Variants in ANO10 observed in about 807,000 individuals in gnomAD.
ANO10 encodes the protein anoctamin-10.
A neutral mutation model predicts 74.7 loss-of-function variants in ANO10; 77 were observed. That is an observed-to-expected ratio of 1.03 (90% confidence interval 0.86 to 1.25). ANO10 has a LOEUF of 1.25. Ranked by LOEUF, ANO10 falls within the 50% of genes most tolerant of loss-of-function variation. The pLI, the probability that ANO10 is intolerant of heterozygous loss-of-function variation, is 0.00. For missense variants in ANO10, 721 were observed against 778.1 expected (o/e 0.93, Z 0.87); for synonymous variants, 279 against 284.9 (o/e 0.98, Z 0.21).
intron 11 of ANO10, among the ~76,000 whole-genome samples, chr3:43,442,300 A>C (rs2093171855): frequency 6.6e-6 from 1 of 152,108 alleles, no homozygotes; most frequent in Non-Finnish European, 1.5e-5. Flanking sequence ...ACACACACAC[A>C]CCCATTAGAA....
At chr3:43,656,603 C>A (rs561257996) in intron 1 of ANO10, among the ~76,000 whole-genome samples, 1 of 152,240 alleles carries the variant, frequency 6.6e-6, no homozygotes, top group Non-Finnish European at 1.5e-5. Flanking sequence ...GGTGAGAAAT[C>A]GAGCACAGAG....
chr3:43,407,656 G>T (rs534321821), intron 12 of ANO10, among the ~76,000 whole-genome samples: 4 of 152,326 alleles, frequency 2.6e-5, no homozygotes, highest in African/African-American at 9.6e-5. Flanking sequence ...AAACGCTCTG[G>T]TTGTGGCCCA....
chr3:43,688,218 C>T (rs1575594175), intron 1 of ANO10, among the ~76,000 whole-genome samples: 1 of 152,120 alleles, frequency 6.6e-6, no homozygotes, highest in South Asian at 2.1e-4. Context: ...TGAGAGCAGA[C>T]TCCAGGTCCA....
At chr3:43,503,935 T>C (rs576975268) in intron 11 of ANO10, among the ~76,000 whole-genome samples, 1 of 152,256 alleles carries the variant, frequency 6.6e-6, no homozygotes, top group Non-Finnish European at 1.5e-5. Flanking sequence ...GCACTGAAGC[T>C]TTCAGTCTTG....
intron 11 of ANO10, among the ~76,000 whole-genome samples, chr3:43,523,692 T>C (rs2078059063): frequency 6.6e-6 from 1 of 152,148 alleles, no homozygotes; most frequent in Admixed American, 6.5e-5. Context: ...TTTGGACTGC[T>C]CAATTTGAGA....
rs200306767 is a variant in ANO10 at position 43,519,687 on chromosome 3, CTCATA to C, written c.1797+30028_1797+30032del. 2.0e-5 allele frequency among the ~76,000 whole-genome samples: 3 copies of C among 152,128 alleles called. No individual in the cohort carries two copies. In the East Asian group the frequency reaches 5.8e-4, roughly 29 times the overall value. ...TATGAGAACCATGCTTATCCCTTCA[CTCATA>C]TGAGGGCAGACCAGAGATCAGGAGA... On this transcript the variant is annotated intron_variant, in intron 11 of 12. Transcript: ENST00000292246.
intron 1 of ANO10, among the ~76,000 whole-genome samples, chr3:43,627,985 C>T (rs929366449): frequency 2.0e-5 from 3 of 152,110 alleles, no homozygotes; most frequent in African/African-American, 7.2e-5. Flanking sequence ...CTCCCAGATA[C>T]AGGCGATTCT....
chr3:43,591,823 G>A (rs1448475867), intron 4 of ANO10, among the ~76,000 whole-genome samples: 1 of 152,244 alleles, frequency 6.6e-6, no homozygotes, highest in Non-Finnish European at 1.5e-5. Flanking sequence ...GGAAGCACAA[G>A]GGGTCGGGGA....
At chr3:43,509,601 A>G (rs778226414) in intron 11 of ANO10, among the ~76,000 whole-genome samples, 5 of 152,204 alleles carry the variant, frequency 3.3e-5, no homozygotes, top group Non-Finnish European at 5.9e-5. Context: ...GCTGGTGGGA[A>G]TATAAAATGG....
chr3:43,690,828 G>A (rs2084353762), intron 1 of ANO10: 5 of 593,940 alleles, frequency 8.4e-6, no homozygotes, highest in South Asian at 3.7e-5. Flanking sequence ...CCGGAGGCAA[G>A]GCCGCGCACG....
chr3:43,544,241 T>G (rs2079079355), intron 11 of ANO10, among the ~76,000 whole-genome samples: 2 of 152,180 alleles, frequency 1.3e-5, no homozygotes, highest in South Asian at 4.1e-4. Context: ...CGCCAGTATT[T>G]ATTTTTAACC....
chr3:43,521,317 G>T (rs530647029), intron 11 of ANO10, among the ~76,000 whole-genome samples: 1 of 152,298 alleles, frequency 6.6e-6, no homozygotes, highest in Admixed American at 6.5e-5. Context: ...TTATCAGGTT[G>T]AAAACAAGGC....
intron 11 of ANO10, among the ~76,000 whole-genome samples, chr3:43,461,761 G>A (rs553393640): frequency 6.6e-6 from 1 of 152,144 alleles, no homozygotes; most frequent in African/African-American, 2.4e-5. Flanking sequence ...GCTCAATCTC[G>A]GGTATGTCTT....
upstream of ANO10, among the ~76,000 whole-genome samples, chr3:43,624,550 C>G (rs1352414468): frequency 6.6e-6 from 1 of 152,164 alleles, no homozygotes; most frequent in Non-Finnish European, 1.5e-5. Context: ...ATGTGATATG[C>G]CTGCTCCCCC....
intron 11 of ANO10, among the ~76,000 whole-genome samples, chr3:43,436,711 G>T (rs1192817270): frequency 6.6e-6 from 1 of 152,138 alleles, no homozygotes. Flanking sequence ...CTCACCTTTG[G>T]TCACTGCAGG....
At chr3:43,566,379 G>A (rs1490791796) in intron 7 of ANO10, among the ~76,000 whole-genome samples, 10 of 152,210 alleles carry the variant, frequency 6.6e-5, no homozygotes, top group East Asian at 1.9e-4. Context: ...CACCTCTGGG[G>A]GCAGGGCACA....
chr3:43,419,096 T>C (rs2092783496), intron 12 of ANO10, among the ~76,000 whole-genome samples: 2 of 152,260 alleles, frequency 1.3e-5, no homozygotes, highest in African/African-American at 2.4e-5. Context: ...CAATAAGCCA[T>C]GTTCCTAGTC....
chr3:43,468,394 T>G (rs1414028175), intron 11 of ANO10, among the ~76,000 whole-genome samples: 1 of 152,188 alleles, frequency 6.6e-6, no homozygotes, highest in African/African-American at 2.4e-5. Flanking sequence ...CCTGGAAGGA[T>G]GGAAGCTTCC....
chr3:43,437,460 CT>C (rs2093086685), intron 11 of ANO10, among the ~76,000 whole-genome samples: 3 of 152,220 alleles, frequency 2.0e-5, no homozygotes, highest in Non-Finnish European at 2.9e-5. Context: ...ATACATCTAA[CT>C]TTCTGTCTTT....
Sources: allele counts gnomAD v4.1 joint callset (sites outside exome capture counted in the v4.1 genomes callset), GRCh38; gene constraint gnomAD v4.1.1; transcripts MANE v1.5; gene names NCBI Gene and HGNC (gene_info 2026-07-23, HGNC 2026-07-21).